STAG1: variants seen among roughly 807,000 people sequenced by gnomAD.
The protein encoded by STAG1 is cohesin subunit SA-1.
A neutral mutation model predicts 170.9 loss-of-function variants in STAG1; 26 were observed. That is an observed-to-expected ratio of 0.15 (90% CI 0.11 to 0.21). STAG1 has a LOEUF of 0.21. Among genes scored for constraint, STAG1 ranks in the 10% least tolerant of loss-of-function variants. The pLI is 1.00. For synonymous variants in STAG1, 514 were observed against 497.7 expected, an observed-to-expected ratio of 1.03 and a Z score of -0.44; for missense variants, 964 against 1,509.5, an observed-to-expected ratio of 0.64 and a Z score of 5.99.
intron 2 of STAG1, among the ~76,000 whole-genome samples, chr3:136,630,088 A>C (rs1381289180): frequency 6.6e-6 from 1 of 152,078 alleles, no homozygotes; most frequent in Non-Finnish European, 1.5e-5. Flanking sequence ...CCAGCTACTC[A>C]GGAGGTCGAG....
At chr3:136,416,498 CAGT>C (rs1379496157) in intron 21 of STAG1, among the ~76,000 whole-genome samples, 1 of 152,180 alleles carries the variant, frequency 6.6e-6, no homozygotes, top group African/African-American at 2.4e-5. Flanking sequence ...AATTTTGACA[CAGT>C]AGATGAAACA....
chr3:136,591,398 A>T (rs1938171449), intron 4 of STAG1: 1 of 161,516 alleles, frequency 6.2e-6, no homozygotes, highest in African/African-American at 2.4e-5. Flanking sequence ...AAATTGTTTA[A>T]GCAAAAAAAT....
intron 6 of STAG1, among the ~76,000 whole-genome samples, chr3:136,529,150 T>C (rs1004201962): frequency 2.0e-5 from 3 of 152,094 alleles, no homozygotes; most frequent in African/African-American, 7.2e-5. Flanking sequence ...TATGCCTTTG[T>C]GATATATGAA....
chr3:136,477,449 T>G, intron 9 of STAG1, 37 bp from the exon 10 acceptor site: 1 of 1,562,728 alleles, frequency 6.4e-7, no homozygotes, highest in South Asian at 1.2e-5. Flanking sequence ...CAAATTAATA[T>G]ACAAAGCTAG....
At chr3:136,545,431 C>T (rs954400335) in intron 5 of STAG1, among the ~76,000 whole-genome samples, 2 of 151,950 alleles carry the variant, frequency 1.3e-5, no homozygotes, top group Non-Finnish European at 2.9e-5. Context: ...CAAGACTAGA[C>T]ATAAATATGG....
chr3:136,743,278 G>C (rs1347846676), intron 1 of STAG1, among the ~76,000 whole-genome samples: 2 of 151,752 alleles, frequency 1.3e-5, no homozygotes, highest in South Asian at 2.1e-4. Context: ...TGAGGCAGGA[G>C]AATCAGTTGA....
chr3:136,349,480 TTAAAC>T (rs1936353704), intron 28 of STAG1, 117 bp from the exon 29 acceptor site: 1 of 723,302 alleles, frequency 1.4e-6, no homozygotes, highest in Non-Finnish European at 2.3e-6. Flanking sequence ...AGGACACACA[TTAAAC>T]TATTAACAGT....
At chr3:136,415,473 T>C (rs563820115) in intron 21 of STAG1, among the ~76,000 whole-genome samples, 27 of 152,262 alleles carry the variant, frequency 1.8e-4, no homozygotes, top group African/African-American at 6.5e-4. Flanking sequence ...CTCCAAAAGG[T>C]ATTTTCTCTG....
chr3:136,542,329 T>C (rs957778902), intron 5 of STAG1, 134 bp from the exon 6 acceptor site: 4 of 666,706 alleles, frequency 6.0e-6, no homozygotes, highest in African/African-American at 1.8e-5. Flanking sequence ...TATTAAAACA[T>C]AAAATGTTGT....
At chr3:136,406,655 T>C (rs1301973759) in intron 21 of STAG1, among the ~76,000 whole-genome samples, 1 of 152,110 alleles carries the variant, frequency 6.6e-6, no homozygotes, top group Non-Finnish European at 1.5e-5. Flanking sequence ...TGATATAAAG[T>C]AGCAAACGAT....
At chr3:136,524,500 G>A (rs1289298670) in intron 6 of STAG1, among the ~76,000 whole-genome samples, 2 of 152,156 alleles carry the variant, frequency 1.3e-5, no homozygotes, top group East Asian at 3.9e-4. Flanking sequence ...TTTGGGCTGA[G>A]ACAATGGGGT....
At chr3:136,631,136 ATT>A (rs1388517219) in intron 1 of STAG1, among the ~76,000 whole-genome samples, 155 bp from the exon 2 acceptor site, 1 of 152,246 alleles carries the variant, frequency 6.6e-6, no homozygotes, top group African/African-American at 2.4e-5. Flanking sequence ...TAGCAGTTTT[ATT>A]CATAACTGCC....
intron 3 of STAG1, among the ~76,000 whole-genome samples, chr3:136,620,703 A>C (rs1559914013): frequency 6.6e-6 from 1 of 152,248 alleles, no homozygotes; most frequent in Admixed American, 6.5e-5. Flanking sequence ...GGAAGTACAG[A>C]CAGCCATGTG....
chr3:136,552,614 C>G (rs1936452461), intron 5 of STAG1, among the ~76,000 whole-genome samples: 2 of 152,084 alleles, frequency 1.3e-5, no homozygotes, highest in Admixed American at 6.6e-5. Flanking sequence ...GGTAGAGGGT[C>G]TAGAAGAAAT....
intron 22 of STAG1, among the ~76,000 whole-genome samples, chr3:136,392,765 CA>C (rs71157377): frequency 0.033 from 3,105 of 93,376 alleles, 50 homozygotes; most frequent in African/African-American, 0.084. Flanking sequence ...GGCTCCGTCT[CA>C]AAAAAAAAAA....
intron 21 of STAG1, among the ~76,000 whole-genome samples, chr3:136,400,456 G>C (rs540911538): frequency 6.6e-6 from 1 of 152,044 alleles, no homozygotes; most frequent in Non-Finnish European, 1.5e-5. Context: ...TCTGAGATCA[G>C]GCAATCTGCC....
intron 12 of STAG1, among the ~76,000 whole-genome samples, chr3:136,470,868 G>T (rs566886513): frequency 2.6e-5 from 4 of 151,562 alleles, no homozygotes; most frequent in Non-Finnish European, 5.9e-5. Context: ...TCATTCTCAG[G>T]AAACTATCAC....
At chr3:136,550,024 T>G (rs1197572230) in intron 5 of STAG1, among the ~76,000 whole-genome samples, 2 of 152,172 alleles carry the variant, frequency 1.3e-5, no homozygotes, top group Non-Finnish European at 2.9e-5. Flanking sequence ...TGGTTGCTAG[T>G]CTTTTGTTTA....
chr3:136,476,198 T>C (rs1454696148), intron 10 of STAG1, among the ~76,000 whole-genome samples: 3 of 152,200 alleles, frequency 2.0e-5, no homozygotes, highest in Admixed American at 6.5e-5. Flanking sequence ...CAGGTGCCTA[T>C]AGGACAATGC....
Sources: gnomAD v4.1 joint callset for allele counts (sites outside exome capture counted in the v4.1 genomes callset) on GRCh38, gnomAD v4.1.1 for gene constraint, MANE v1.5 for transcripts, NCBI Gene and HGNC (gene_info 2026-07-23, HGNC 2026-07-21) for gene names.